SETBP1: variants seen among roughly 807,000 people sequenced by gnomAD.
SETBP1 encodes SET-binding protein.
A neutral mutation model predicts 101.0 loss-of-function variants in SETBP1; 9 were observed. The observed-to-expected ratio is 0.09, with a 90% CI of 0.05 to 0.16. The LOEUF (loss-of-function observed/expected upper bound fraction) is 0.16, where lower values mean the gene tolerates loss of function less well. Ranked by LOEUF, SETBP1 falls within the 10% of genes least tolerant of loss-of-function variation. The pLI, the probability that SETBP1 is intolerant of heterozygous loss-of-function variation, is 1.00. For synonymous variants in SETBP1, 818 were observed against 788.5 expected (o/e 1.04, Z -0.63); for missense variants, 1,858 against 2,033.8 (o/e 0.91, Z 1.66).
intron 3 of SETBP1, among the ~76,000 whole-genome samples, chr18:44,878,041 G>A (rs563348767): frequency 2.0e-5 from 3 of 152,180 alleles, no homozygotes; most frequent in Non-Finnish European, 4.4e-5. Context: ...GTGTTGGGGG[G>A]TAGGTGGTTA....
chr18:44,874,711 G>A (rs138216016), intron 3 of SETBP1, among the ~76,000 whole-genome samples: 495 of 152,274 alleles, frequency 3.3e-3, no homozygotes, highest in African/African-American at 0.011. Flanking sequence ...GCTCAGTCCT[G>A]TTCAAATGAA....
intron 2 of SETBP1, among the ~76,000 whole-genome samples, chr18:44,744,236 C>T (rs2070168495): frequency 6.6e-6 from 1 of 152,244 alleles, no homozygotes; most frequent in African/African-American, 2.4e-5. Flanking sequence ...AACAATTACC[C>T]TAGGAAAGGA....
At chr18:44,976,071 GATAC>G (rs781679690) in intron 4 of SETBP1, among the ~76,000 whole-genome samples, 1 of 74,860 alleles carries the variant, frequency 1.3e-5, no homozygotes, top group East Asian at 4.8e-4. Flanking sequence ...TTTGGGGAGG[GATAC>G]ACACACACAC....
At chr18:44,748,627 GTGTGCAGGCACCATGTGCGTGCT>G (rs1314972155) in intron 2 of SETBP1, among the ~76,000 whole-genome samples, 134 of 152,214 alleles carry the variant, frequency 8.8e-4, no homozygotes, top group African/African-American at 2.9e-3. Flanking sequence ...AGGGTTGTGC[GTGTGCAGGCACCATGTGCGTGCT>G]TGTGCATGCA....
intron 2 of SETBP1, among the ~76,000 whole-genome samples, chr18:44,837,995 C>T (rs1190882007): frequency 6.6e-6 from 1 of 152,164 alleles, no homozygotes; most frequent in Non-Finnish European, 1.5e-5. Flanking sequence ...ATTCTCAGGG[C>T]TCGTTCCCAC....
chr18:44,783,703 AT>A (rs2071182352), intron 2 of SETBP1, among the ~76,000 whole-genome samples: 1 of 152,208 alleles, frequency 6.6e-6, no homozygotes, highest in African/African-American at 2.4e-5. Context: ...ATCCTATAAT[AT>A]AGGGATGGAA....
At chr18:44,905,601 G>A (rs1309329605) in intron 3 of SETBP1, among the ~76,000 whole-genome samples, 1 of 152,132 alleles carries the variant, frequency 6.6e-6, no homozygotes, top group Non-Finnish European at 1.5e-5. Context: ...AGAATTGGGT[G>A]AACTTTCCAG....
At chr18:44,770,640 G>A (rs920493217) in intron 2 of SETBP1, among the ~76,000 whole-genome samples, 1 of 152,094 alleles carries the variant, frequency 6.6e-6, no homozygotes, top group African/African-American at 2.4e-5. Context: ...AGCCTTAATT[G>A]TTCAGGAACA....
chr18:44,728,571 T>C (rs760256974), intron 2 of SETBP1, among the ~76,000 whole-genome samples: 1 of 152,234 alleles, frequency 6.6e-6, no homozygotes, highest in Non-Finnish European at 1.5e-5. Flanking sequence ...ACATGTCATT[T>C]GCCTTTAAGA....
chr18:44,920,503 T>C (rs1034342015), intron 3 of SETBP1, among the ~76,000 whole-genome samples: 10 of 152,142 alleles, frequency 6.6e-5, no homozygotes, highest in Non-Finnish European at 1.3e-4. Flanking sequence ...ACAGACTAAT[T>C]GTAATTCGGC....
chr18:44,979,560 G>T (rs2072065929), intron 4 of SETBP1, among the ~76,000 whole-genome samples: 1 of 152,176 alleles, frequency 6.6e-6, no homozygotes. Context: ...ATTCTACTGG[G>T]ATACAGGGGT....
At chr18:44,709,084 T>C (rs2290931) in intron 2 of SETBP1, among the ~76,000 whole-genome samples, 74,534 of 152,026 alleles carry the variant, frequency 0.49, 18,446 homozygotes, top group Middle Eastern at 0.63. Context: ...CTCAACCCCG[T>C]CTTCTATTTT....
chr18:45,019,777 A>G (rs1715431127), intron 4 of SETBP1, among the ~76,000 whole-genome samples: 1 of 152,134 alleles, frequency 6.6e-6, no homozygotes, highest in Admixed American at 6.5e-5. Context: ...GAAACAAGCC[A>G]TTTGTTGACA....
At chr18:44,941,569 T>C (rs1333464913) in intron 3 of SETBP1, among the ~76,000 whole-genome samples, 1 of 152,178 alleles carries the variant, frequency 6.6e-6, no homozygotes, top group Non-Finnish European at 1.5e-5. Context: ...TTTGGTATTC[T>C]CATTATCAGT....
chr18:44,734,425 A>G (rs910464941), intron 2 of SETBP1, among the ~76,000 whole-genome samples: 5 of 152,166 alleles, frequency 3.3e-5, no homozygotes, highest in African/African-American at 1.2e-4. Flanking sequence ...GCCCTTGTTA[A>G]TACCATTGTT....
intron 5 of SETBP1, among the ~76,000 whole-genome samples, chr18:45,039,690 A>G (rs1380093461): frequency 1.3e-5 from 2 of 152,236 alleles, no homozygotes; most frequent in African/African-American, 4.8e-5. Context: ...CAGTATTTAG[A>G]AAGCCCTGTT....
intron 3 of SETBP1, among the ~76,000 whole-genome samples, chr18:44,904,192 C>G (rs2070117979): frequency 6.6e-6 from 1 of 151,998 alleles, no homozygotes; most frequent in East Asian, 1.9e-4. Flanking sequence ...ATCAATGACA[C>G]TATCGCTTTT....
At chr18:44,687,488 T>C (rs1322193690) in intron 1 of SETBP1, among the ~76,000 whole-genome samples, 1 of 152,004 alleles carries the variant, frequency 6.6e-6, no homozygotes, top group African/African-American at 2.4e-5. Context: ...GAGCACTTAT[T>C]AGAACAGTGG....
At chr18:45,000,563 C>A (rs1166049626) in intron 4 of SETBP1, among the ~76,000 whole-genome samples, 1 of 151,990 alleles carries the variant, frequency 6.6e-6, no homozygotes, top group Non-Finnish European at 1.5e-5. Flanking sequence ...ATGTGTCTGT[C>A]TAAATTGTGC....
Sources: allele counts gnomAD v4.1 joint callset (sites outside exome capture counted in the v4.1 genomes callset), GRCh38; gene constraint gnomAD v4.1.1; transcripts MANE v1.5; gene names NCBI Gene and HGNC (gene_info 2026-07-23, HGNC 2026-07-21).